UIMC1: variants seen among roughly 807,000 people sequenced by gnomAD.
The protein encoded by UIMC1 is BRCA1-A complex subunit RAP80.
Under a neutral mutation model 84.9 loss-of-function variants are expected in UIMC1, and 42 were observed. The observed-to-expected ratio is 0.49, with a 90% confidence interval of 0.39 to 0.64. The LOEUF is 0.64. UIMC1 is among the 30% of genes least tolerant of loss of function. The probability of loss-of-function intolerance (pLI) is 0.00; values close to 1 mark genes in which losing one functional copy is unlikely to be tolerated. For missense variants in UIMC1, 825 were observed against 847.6 expected, an observed-to-expected ratio of 0.97 and a Z score of 0.33; for synonymous variants, 281 against 293.0, an observed-to-expected ratio of 0.96 and a Z score of 0.42.
intron 11 of UIMC1, among the ~76,000 whole-genome samples, chr5:176,910,334 T>C (rs1759953941): frequency 6.6e-6 from 1 of 152,230 alleles, no homozygotes; most frequent in Admixed American, 6.5e-5. Flanking sequence ...ATGACATTAC[T>C]TTCAGGAGGA....
chr5:177,002,347 C>T (rs549520694), intron 1 of UIMC1, among the ~76,000 whole-genome samples: 2 of 152,108 alleles, frequency 1.3e-5, no homozygotes, highest in South Asian at 2.1e-4. Flanking sequence ...GTCAGAACAT[C>T]GGTTACCTCT....
chr5:176,925,083 A>T (rs1367749483), intron 10 of UIMC1, among the ~76,000 whole-genome samples: 5 of 152,152 alleles, frequency 3.3e-5, no homozygotes, highest in Non-Finnish European at 5.9e-5. Flanking sequence ...AGTACACGCT[A>T]GAAAATATTT....
chr5:176,999,919 C>T (rs1561921076), intron 1 of UIMC1, among the ~76,000 whole-genome samples: 1 of 152,154 alleles, frequency 6.6e-6, no homozygotes, highest in Non-Finnish European at 1.5e-5. Context: ...ACATACCCAG[C>T]AGTGGGACTG....
At chr5:177,012,594 G>A (rs1206629341) in intron 1 of UIMC1, among the ~76,000 whole-genome samples, 1 of 151,986 alleles carries the variant, frequency 6.6e-6, no homozygotes, top group African/African-American at 2.4e-5. Context: ...TCGGGAGGCT[G>A]AGGCAAGAGA....
chr5:176,930,116 C>T (rs1762906327), intron 10 of UIMC1, among the ~76,000 whole-genome samples: 1 of 151,972 alleles, frequency 6.6e-6, no homozygotes, highest in Non-Finnish European at 1.5e-5. Flanking sequence ...AACCCATTAC[C>T]CAACTTAGGA....
chr5:176,947,498 G>A (rs1043478212), intron 9 of UIMC1, among the ~76,000 whole-genome samples: 7 of 151,912 alleles, frequency 4.6e-5, no homozygotes, highest in Non-Finnish European at 7.4e-5. Flanking sequence ...CTCCCCGCTC[G>A]CCTTCTACTT....
At chr5:176,971,958 A>T (rs10059270) in intron 3 of UIMC1, among the ~76,000 whole-genome samples, 2 of 152,334 alleles carry the variant, frequency 1.3e-5, no homozygotes, top group Admixed American at 6.5e-5. Flanking sequence ...AATATTTTTT[A>T]AAAATACATA....
At chr5:176,983,658 A>G (rs1771399349) in intron 1 of UIMC1, among the ~76,000 whole-genome samples, 1 of 151,760 alleles carries the variant, frequency 6.6e-6, no homozygotes, top group Admixed American at 6.6e-5. Context: ...CCGCCACCCC[A>G]TCTAAGAAGT....
chr5:177,020,374 C>T (rs1004890048), intron 1 of UIMC1, among the ~76,000 whole-genome samples: 1 of 152,240 alleles, frequency 6.6e-6, no homozygotes, highest in Non-Finnish European at 1.5e-5. Context: ...ATGTTCCTAA[C>T]ACATCATTCA....
intron 2 of UIMC1, among the ~76,000 whole-genome samples, chr5:176,981,799 A>AT (rs1490523502): frequency 6.6e-6 from 1 of 152,104 alleles, no homozygotes; most frequent in Non-Finnish European, 1.5e-5. Context: ...AGAAAAAAAA[A>AT]ATATATAGGA....
chr5:176,921,588 T>C, intron 10 of UIMC1, among the ~76,000 whole-genome samples: 1 of 152,192 alleles, frequency 6.6e-6, no homozygotes, highest in East Asian at 1.9e-4. Flanking sequence ...AAAACCTTGA[T>C]TTCACCTTAG....
chr5:176,934,387 G>A (rs529353651), intron 10 of UIMC1, among the ~76,000 whole-genome samples: 1 of 152,326 alleles, frequency 6.6e-6, no homozygotes, highest in African/African-American at 2.4e-5. Flanking sequence ...GTCAGAGTAA[G>A]CAGTCATGTC....
chr5:176,977,254 A>G (rs1029074436), intron 2 of UIMC1, among the ~76,000 whole-genome samples: 4 of 151,296 alleles, frequency 2.6e-5, no homozygotes, highest in Non-Finnish European at 4.4e-5. Context: ...GAGAGAGAGA[A>G]ATAAGACAAA....
At chr5:176,950,288 C>T (rs902520275) in intron 9 of UIMC1, among the ~76,000 whole-genome samples, 7 of 150,608 alleles carry the variant, frequency 4.6e-5, no homozygotes, top group African/African-American at 1.7e-4. Context: ...TTAGTAGAGA[C>T]ATGGTTTCAC....
At chr5:176,983,098 T>C (rs552351639) in intron 1 of UIMC1, among the ~76,000 whole-genome samples, 50 of 152,194 alleles carry the variant, frequency 3.3e-4, no homozygotes, top group African/African-American at 1.2e-3. Flanking sequence ...CCTCCCAAAG[T>C]GTTGGGGTTA....
intron 10 of UIMC1, among the ~76,000 whole-genome samples, chr5:176,922,960 G>A (rs965898853): frequency 1.6e-3 from 246 of 152,298 alleles, no homozygotes; most frequent in African/African-American, 5.7e-3. Flanking sequence ...TTGCAGCAAA[G>A]AAGGCAGTCT....
At chr5:176,915,680 T>A (rs2940538) in intron 10 of UIMC1, among the ~76,000 whole-genome samples, 1 of 150,248 alleles carries the variant, frequency 6.7e-6, no homozygotes, top group Non-Finnish European at 1.5e-5. Flanking sequence ...GGTCTTGAAC[T>A]CCTGACCTTG....
chr5:177,004,422 C>A (rs1774983947), intron 1 of UIMC1, among the ~76,000 whole-genome samples: 1 of 152,072 alleles, frequency 6.6e-6, no homozygotes, highest in Non-Finnish European at 1.5e-5. Flanking sequence ...ACAAGCAAGC[C>A]TGTATACAGT....
At chr5:177,021,106 C>T (rs552441191) in intron 1 of UIMC1, among the ~76,000 whole-genome samples, 1 of 151,972 alleles carries the variant, frequency 6.6e-6, no homozygotes, top group African/African-American at 2.4e-5. Flanking sequence ...AGTGAAACCC[C>T]GTCTCTACCA....
Sources: gnomAD v4.1 joint callset for allele counts (sites outside exome capture counted in the v4.1 genomes callset) on GRCh38, gnomAD v4.1.1 for gene constraint, MANE v1.5 for transcripts, NCBI Gene and HGNC (gene_info 2026-07-23, HGNC 2026-07-21) for gene names.